RSRP1: variants seen among roughly 807,000 people sequenced by gnomAD.
RSRP1 encodes arginine and serine rich protein 1.
A neutral mutation model predicts 33.0 loss-of-function variants in RSRP1; 37 were observed. The ratio of observed to expected loss-of-function variants is 1.12; its 90% CI spans 0.86 to 1.48. RSRP1 has a LOEUF of 1.48. RSRP1 is among the 40% of genes most tolerant of loss of function. RSRP1 has a pLI of 0.00. For missense variants in RSRP1, 402 were observed against 385.3 expected (o/e 1.04, Z -0.36); for synonymous variants, 167 against 158.7 (o/e 1.05, Z -0.40).
At position 25,334,916 on chromosome 1, in the gene RSRP1, G is replaced by C. The variant is rs960943514; in HGVS notation, c.-67+3062C>G. Among the ~76,000 whole-genome samples, 10 of 126,372 alleles carry C rather than the reference G, an allele frequency of 7.9e-5. 1 individual carries two copies. Among genetic ancestry groups the C allele is most frequent in the African/African-American group, 2.9e-4 (10 of 34,564 alleles). The allele number at this position is 126,372 out of a possible 152,430, so 82.9% of individuals were successfully genotyped here. ...AAACCATTTTTTCCTGATATCTCTG[G>C]ACCTGTGATGGGAGGGGTTGCCATA... On this transcript the variant is annotated intron_variant, in intron 1 of 1. Coordinates refer to the RSRP1 transcript ENST00000561867.
In RSRP1 at chr1:25,331,586, G is replaced by A. The variant is rs867816725; in HGVS notation, c.-67+6392C>T. Among the ~76,000 whole-genome samples, 8 of 22,268 alleles carry A rather than the reference G, an allele frequency of 3.6e-4. 1 individual carries two copies. In the East Asian group the frequency reaches 8.1e-3, roughly 23 times the overall value. 14.6% of individuals were successfully genotyped at this position (22,268 alleles called of 152,430 possible). A position where few individuals can be genotyped will look rare whatever the true frequency, so the allele number is the denominator to read the frequency against. On this transcript the variant is annotated intron_variant, in intron 1 of 1. Transcript: ENST00000561867. Reference sequence around the variant, plus strand: ...GTGATTTTTTTTTTTTTTTTTTTTTGAGACAGAGTCTTGCTCTGTCACCCA... The same window carrying A: ...GTGATTTTTTTTTTTTTTTTTTTTTAAGACAGAGTCTTGCTCTGTCACCCA...
intron 2 of RSRP1, among the ~76,000 whole-genome samples, chr1:25,245,673 A>C (rs1042768322): frequency 2.0e-5 from 3 of 152,208 alleles, no homozygotes; most frequent in Non-Finnish European, 4.4e-5. Flanking sequence ...GAAAAGAATA[A>C]AATTCTTAAA....
chr1:25,249,461 C>T (rs1360526286), upstream of RSRP1, among the ~76,000 whole-genome samples: 1 of 152,128 alleles, frequency 6.6e-6, no homozygotes, highest in East Asian at 1.9e-4. Flanking sequence ...GCCTCAGTCT[C>T]CCGAGCATCT....
At chr1:25,290,647 G>T in intron 1 of RSRP1, 1 of 1,378,032 alleles carries the variant, frequency 7.3e-7, no homozygotes, top group African/African-American at 1.4e-5. Flanking sequence ...CCAGTATTCG[G>T]CTGGCCACCA....
At position 25,298,305 on chromosome 1, in the gene RSRP1, A is replaced by C. The variant is rs1237234920; in HGVS notation, c.-67+39673T>G. Among the ~76,000 whole-genome samples, 6 of 122,424 alleles carry C rather than the reference A, an allele frequency of 4.9e-5. No individual in the cohort carries two copies. In the East Asian group the frequency reaches 1.0e-3, roughly 21 times the overall value. The allele number at this position is 122,424 out of a possible 152,430, so 80.3% of individuals were successfully genotyped here. A position where few individuals can be genotyped will look rare whatever the true frequency, so the allele number is the denominator to read the frequency against. On this transcript the variant is annotated intron_variant, in intron 1 of 1. Coordinates refer to the RSRP1 transcript ENST00000561867. ...CTCTTCCTGCTTTGTTGCAGTCTTC[A>C]TAACGATTGCTTTAAAAGACTGCAT...
intron 1 of RSRP1, among the ~76,000 whole-genome samples, chr1:25,319,477 G>A (rs1253963575): frequency 7.6e-6 from 1 of 131,768 alleles, no homozygotes; most frequent in Admixed American, 7.4e-5. Flanking sequence ...CAGGCGTGGT[G>A]GTACACCTGT....
At chr1:25,302,662 A>T (rs894003771) in intron 1 of RSRP1, among the ~76,000 whole-genome samples, 1 of 130,082 alleles carries the variant, frequency 7.7e-6, no homozygotes, top group Non-Finnish European at 1.8e-5. Flanking sequence ...CAGCTTATTG[A>T]AACTGGGCCC....
At chr1:25,244,536 T>C (rs924555917) in intron 3 of RSRP1, 8 of 1,289,136 alleles carry the variant, frequency 6.2e-6, no homozygotes, top group Non-Finnish European at 8.1e-6. Flanking sequence ...CTATACTGTA[T>C]ATGCTGAGTA....
chr1:25,247,390 C>CT lies in RSRP1; in HGVS notation c.-149dup. On this transcript the variant is annotated 5_prime_UTR_variant, in exon 1 of 5. Coordinates refer to ENST00000243189, the MANE Select transcript of RSRP1 (RefSeq NM_020317.5). The stretch of plus-strand genomic sequence containing the variant: ...TTTCGGAACGTAAGACGAAGTGGGG[C>CT]TTTTAGTCCCTGCTTTCGAACGGCG... 1 of 175,224 alleles carries CT rather than the reference C, an allele frequency of 5.7e-6. No individual in the cohort carries two copies. The highest frequency in any genetic ancestry group is 1.2e-5 in the Non-Finnish European group (1 of 83,706). 10.9% of individuals were successfully genotyped at this position (175,224 alleles called of 1,614,324 possible). A position where few individuals can be genotyped will look rare whatever the true frequency, so the allele number is the denominator to read the frequency against.
intron 1 of RSRP1, 24 bp from the exon 2 acceptor site, chr1:25,247,053 C>T (rs1192011094): frequency 1.5e-5 from 20 of 1,333,792 alleles, no homozygotes; most frequent in Non-Finnish European, 1.9e-5. Flanking sequence ...AGAGAAAAAA[C>T]AAGTCGAGTC....
Position 25,333,549 on chromosome 1 carries a change from G to A in RSRP1, c.-67+4429C>T, listed in dbSNP as rs1297518549. On this transcript the variant is annotated intron_variant, in intron 1 of 1. Transcript: ENST00000561867. The stretch of plus-strand genomic sequence containing the variant: ...AGAGAAGGGTGGGCCAGGGAGAGAC[G>A]GATAAGTGATCTAACTCCTGAGGAG... 6.9e-5 allele frequency among the ~76,000 whole-genome samples: 9 copies of A among 130,306 alleles called. 3 individuals carry two copies. The highest frequency in any genetic ancestry group is 2.3e-4 in the South Asian group (1 of 4,284). The allele number at this position is 130,306 out of a possible 152,430, so 85.5% of individuals were successfully genotyped here.
chr1:25,319,666 C>CA (rs1644591796), intron 1 of RSRP1, among the ~76,000 whole-genome samples: 1 of 131,958 alleles, frequency 7.6e-6, no homozygotes, highest in South Asian at 2.3e-4. Flanking sequence ...CTCAAGCAGC[C>CA]AAAATTGCAC....
rs574437042 is a variant in RSRP1, at chr1:25,300,687, T to C, written c.-67+37291A>G. On this transcript the variant is annotated intron_variant, in intron 1 of 1. Transcript: ENST00000561867. ...AGCCCAGCGTAGTGGCGCATGCCTG[T>C]AATCCCAGCTACTAGGGAAGCTGAG... Among the ~76,000 whole-genome samples, 12 of 131,506 alleles carry C rather than the reference T, an allele frequency of 9.1e-5. 1 individual carries two copies. The highest frequency in any genetic ancestry group is 3.1e-4 in the African/African-American group (12 of 38,240). 86.3% of individuals were successfully genotyped at this position (131,506 alleles called of 152,430 possible).
intron 1 of RSRP1, among the ~76,000 whole-genome samples, chr1:25,260,976 A>G (rs1477088395): frequency 6.6e-6 from 1 of 151,600 alleles, no homozygotes; most frequent in African/African-American, 2.4e-5. Flanking sequence ...TAATTTTTGT[A>G]TTTTTAGTAG....
Position 25,246,671 on chromosome 1 carries a change from T to C in RSRP1, c.293A>G (p.Tyr98Cys), listed in dbSNP as rs1354381135. The stretch of plus-strand genomic sequence containing the variant: ...CCGGTAGTATCTCCTGGTGAACCCG[T>C]AGCGCCTCTCTCGGTAACGGCGGCT... ...SRSRRYRERR[Y>C]GFTRRYYRSP... Residue 98 changes from tyrosine to cysteine, a missense_variant, in exon 2 of 5, where the codon TAC (tyrosine) becomes TGC (cysteine). Coordinates refer to ENST00000243189, the MANE Select transcript of RSRP1 (RefSeq NM_020317.5). The C allele has an allele frequency of 2.5e-6, 4 of 1,611,500 alleles. No individual in the cohort carries two copies. The highest frequency in any genetic ancestry group is 3.3e-5 in the Admixed American group (2 of 59,968).
At chr1:25,243,005 G>C (rs143123020) in intron 4 of RSRP1, among the ~76,000 whole-genome samples, 2 of 152,142 alleles carry the variant, frequency 1.3e-5, no homozygotes, top group African/African-American at 2.4e-5. Context: ...CAGGAGAATC[G>C]CTTGAACCCA....
intron 1 of RSRP1, among the ~76,000 whole-genome samples, chr1:25,260,397 AATCT>A (rs1362790098): frequency 6.6e-6 from 1 of 152,222 alleles, no homozygotes; most frequent in African/African-American, 2.4e-5. Context: ...AAAGAGAACC[AATCT>A]ATCAATTACA....
rs1473728922 is a variant in RSRP1 at position 25,313,002 on chromosome 1, T to G, written c.-67+24976A>C. Among the ~76,000 whole-genome samples, 2 of 117,064 alleles carry G rather than the reference T, an allele frequency of 1.7e-5. 1 individual carries two copies. 76.8% of individuals were successfully genotyped at this position (117,064 alleles called of 152,430 possible). The stretch of plus-strand genomic sequence containing the variant: ...TTTTGCATGTAAGAAGGACATGCAT[T>G]TTGGGGGCTGGGGCAGGATGCTGTG... On this transcript the variant is annotated intron_variant, in intron 1 of 1. Coordinates refer to the RSRP1 transcript ENST00000561867.
At chr1:25,261,705 A>ATTTTT (rs376795548) in intron 1 of RSRP1, among the ~76,000 whole-genome samples, 9 of 93,688 alleles carry the variant, frequency 9.6e-5, no homozygotes, top group Non-Finnish European at 1.2e-4. Flanking sequence ...CGCCCAGCAG[A>ATTTTT]TTTTTTTTTT....
Sources: gnomAD v4.1 joint callset for allele counts (sites outside exome capture counted in the v4.1 genomes callset) on GRCh38, gnomAD v4.1.1 for gene constraint, MANE v1.5 for transcripts, NCBI Gene and HGNC (gene_info 2026-07-23, HGNC 2026-07-21) for gene names.